TMEM17: variants seen among roughly 807,000 people sequenced by gnomAD.
TMEM17 encodes the protein transmembrane protein 17.
A neutral mutation model predicts 19.1 loss-of-function variants in TMEM17; 15 were observed. The observed-to-expected ratio is 0.78, with a 90% CI of 0.52 to 1.21. TMEM17 has a LOEUF of 1.21. Among genes scored for constraint, TMEM17 ranks in the 50% most tolerant of loss-of-function variants. TMEM17 has a pLI of 0.00. For synonymous variants in TMEM17, 103 were observed against 86.9 expected (o/e 1.19, Z -1.03); for missense variants, 245 against 242.3 (o/e 1.01, Z -0.07).
chr2:62,495,291 T>G (rs772626738), downstream of TMEM17, among the ~76,000 whole-genome samples: 5 of 152,248 alleles, frequency 3.3e-5, no homozygotes, highest in Non-Finnish European at 5.9e-5. Flanking sequence ...TGGGTTAAGA[T>G]GATGACACAC....
the TMEM17 span, among the ~76,000 whole-genome samples, chr2:62,457,899 C>G: frequency 6.6e-6 from 1 of 152,162 alleles, no homozygotes; most frequent in Non-Finnish European, 1.5e-5. This position sits in a 1 kb window ranked among gnomAD's most constrained non-coding sequence, Gnocchi z 4.2. Context: ...ATTTGTTGCA[C>G]CAACGTTTTC....
chr2:62,496,380 G>C (rs555372849), downstream of TMEM17, among the ~76,000 whole-genome samples: 1 of 152,232 alleles, frequency 6.6e-6, no homozygotes, highest in Non-Finnish European at 1.5e-5. Context: ...ACAATGTTAT[G>C]TATAAAAGAA....
the TMEM17 span, among the ~76,000 whole-genome samples, chr2:62,456,988 C>T: frequency 6.6e-6 from 1 of 152,252 alleles, no homozygotes; most frequent in Non-Finnish European, 1.5e-5. Flanking sequence ...ACCACCTCCA[C>T]GCGGGGGCCG....
At chr2:62,480,843 C>T in the TMEM17 span, among the ~76,000 whole-genome samples, 1 of 152,162 alleles carries the variant, frequency 6.6e-6, no homozygotes, top group South Asian at 2.1e-4. Flanking sequence ...TAGTATTATG[C>T]TTCCAGCTTT....
intron 1 of TMEM17, among the ~76,000 whole-genome samples, chr2:62,503,687 T>G (rs1203709584): frequency 6.6e-6 from 1 of 152,248 alleles, no homozygotes; most frequent in Admixed American, 6.5e-5. Flanking sequence ...TCCTCTTTCC[T>G]TCTTCTCTTC....
At position 62,502,711 on chromosome 2, in the gene TMEM17, T is replaced by C; in HGVS notation, c.184A>G (p.Ile62Val). ...YYFPLWWVSSIMMLHMKYSIL... is the reference protein window; with the variant it reads ...YYFPLWWVSSVMMLHMKYSIL... ...TTTACCTTCATGTGAAGCATCATAATGCTGCTCACCCACCACAGTGGGAAA... is the reference window on the plus strand; with the variant it reads ...TTTACCTTCATGTGAAGCATCATAACGCTGCTCACCCACCACAGTGGGAAA... Residue 62 changes from isoleucine to valine, a missense_variant, in exon 2 of 4, where the codon ATT becomes GTT. Physicochemically the swap from Ile to Val is conservative, Grantham distance 29. Coordinates refer to ENST00000335390, the MANE Select transcript of TMEM17 (RefSeq NM_198276.3). 2 of 1,608,550 alleles carry C rather than the reference T, an allele frequency of 1.2e-6. No homozygotes were observed. The highest frequency in any genetic ancestry group is 1.7e-6 in the Non-Finnish European group (2 of 1,178,310).
the TMEM17 span, among the ~76,000 whole-genome samples, chr2:62,482,200 A>G: frequency 1.3e-5 from 2 of 152,242 alleles, no homozygotes; most frequent in African/African-American, 2.4e-5. Flanking sequence ...CCAGAAACAT[A>G]TAGGAAAGGG....
chr2:62,503,216 G>A (rs975101855), intron 1 of TMEM17, among the ~76,000 whole-genome samples: 7 of 152,010 alleles, frequency 4.6e-5, no homozygotes, highest in Admixed American at 1.3e-4. Flanking sequence ...ATACAAAAAC[G>A]GATTACCAAG....
the TMEM17 span, among the ~76,000 whole-genome samples, chr2:62,490,519 TC>T: frequency 6.6e-6 from 1 of 152,096 alleles, no homozygotes; most frequent in Non-Finnish European, 1.5e-5. Flanking sequence ...CACTTTGGCC[TC>T]CCAAAGTGCT....
chr2:62,493,727 T>C, the TMEM17 span, among the ~76,000 whole-genome samples: 1 of 152,350 alleles, frequency 6.6e-6, no homozygotes, highest in East Asian at 1.9e-4. Context: ...CTTTCTATCA[T>C]TTTCAAATGT....
At chr2:62,471,354 T>C in the TMEM17 span, among the ~76,000 whole-genome samples, 1 of 152,160 alleles carries the variant, frequency 6.6e-6, no homozygotes, top group African/African-American at 2.4e-5. Context: ...TTAACTCGTC[T>C]GTAAGTTGGG....
At chr2:62,475,097 GGGTTTA>G in the TMEM17 span, among the ~76,000 whole-genome samples, 1 of 152,194 alleles carries the variant, frequency 6.6e-6, no homozygotes, top group East Asian at 1.9e-4. Context: ...ACACTGCCTA[GGGTTTA>G]GGATGCTGCA....
chr2:62,478,442 C>A, the TMEM17 span, among the ~76,000 whole-genome samples: 5 of 152,338 alleles, frequency 3.3e-5, no homozygotes, highest in African/African-American at 1.2e-4. Context: ...GGAGACCCAG[C>A]CCAAGCTCTG....
At chr2:62,470,033 C>G in the TMEM17 span, among the ~76,000 whole-genome samples, 2 of 152,208 alleles carry the variant, frequency 1.3e-5, no homozygotes, top group African/African-American at 4.8e-5. Flanking sequence ...TTTCCTGGCC[C>G]CTAAAGAAAA....
the TMEM17 span, among the ~76,000 whole-genome samples, chr2:62,482,742 C>T: frequency 5.9e-5 from 9 of 152,240 alleles, no homozygotes; most frequent in African/African-American, 1.2e-4. Context: ...ATGTCGAGCA[C>T]GCTCATCTGA....
the TMEM17 span, chr2:62,491,099 A>AAC: frequency 6.6e-6 from 1 of 152,054 alleles, no homozygotes; most frequent in African/African-American, 2.4e-5. Context: ...AAAAAAAAAA[A>AAC]AAAAAACCTC....
chr2:62,503,811 G>A (rs1470056607), intron 1 of TMEM17, among the ~76,000 whole-genome samples: 1 of 152,178 alleles, frequency 6.6e-6, no homozygotes, highest in African/African-American at 2.4e-5. Flanking sequence ...ACATAAGAAT[G>A]AATTAATGAA....
chr2:62,501,174 A>G lies in TMEM17; in HGVS notation c.*35T>C, dbSNP rs1207929843. On this transcript the variant is annotated 3_prime_UTR_variant, in exon 4 of 4. Coordinates refer to ENST00000335390, the MANE Select transcript of TMEM17 (RefSeq NM_198276.3). ...TTTTCCTAACTCTTACAGTCTCTAG[A>G]ATGATCTGTCAGATTTTCACTCAAC... 2 of 1,598,890 alleles carry G rather than the reference A, an allele frequency of 1.3e-6. No individual in the cohort carries two copies. The highest frequency in any genetic ancestry group is 2.7e-5 in the African/African-American group (2 of 74,374).
At chr2:62,486,541 C>A in the TMEM17 span, among the ~76,000 whole-genome samples, 1 of 152,168 alleles carries the variant, frequency 6.6e-6, no homozygotes, top group African/African-American at 2.4e-5. Flanking sequence ...AATCTGGAAC[C>A]TGACTCACAG....
Sources: gnomAD v4.1 joint callset for allele counts (sites outside exome capture counted in the v4.1 genomes callset) on GRCh38, gnomAD v4.1.1 for gene constraint, Gnocchi (gnomAD v3.1) non-coding constraint, MANE v1.5 for transcripts, NCBI Gene and HGNC (gene_info 2026-07-23, HGNC 2026-07-21) for gene names.